Variants in PPP2R1A observed in about 807,000 individuals in gnomAD.
PPP2R1A encodes the protein protein phosphatase 2 scaffold subunit Aalpha, also known as serine/threonine-protein phosphatase 2A 65 kDa regulatory subunit A alpha isoform.
In PPP2R1A, 15 loss-of-function variants were observed where a neutral mutation model predicts 67.1. The observed-to-expected ratio is 0.22, with a 90% CI of 0.15 to 0.34. The LOEUF (loss-of-function observed/expected upper bound fraction) is 0.34. Ranked by LOEUF, PPP2R1A falls within the 10% of genes least tolerant of loss-of-function variation. PPP2R1A has a pLI of 1.00. For missense variants in PPP2R1A, 369 were observed against 775.0 expected, an observed-to-expected ratio of 0.48 and a Z score of 6.22; for synonymous variants, 337 against 325.0, an observed-to-expected ratio of 1.04 and a Z score of -0.40.
At chr19:52,190,231 CGG>C in intron 1 of PPP2R1A, 57 bp downstream of exon 1, 1 of 1,520,632 alleles carries the variant, frequency 6.6e-7, no homozygotes. Context: ...GGGGCACGGG[CGG>C]CCCTCGCGGA....
chr19:52,225,503 T>C (rs774701477), intron 13 of PPP2R1A, among the ~76,000 whole-genome samples: 10 of 152,208 alleles, frequency 6.6e-5, no homozygotes, highest in Non-Finnish European at 1.2e-4. Context: ...TTTTGAAATA[T>C]GCAAAATGTT....
rs1327848133 is a variant in PPP2R1A at position 52,226,592 on chromosome 19, T to C, written c.*611T>C. 1 of 191,324 alleles carries C rather than the reference T, an allele frequency of 5.2e-6. No homozygotes were observed. The highest frequency in any genetic ancestry group is 8.4e-5 in the East Asian group (1 of 11,950). The allele number at this position is 191,324 out of a possible 1,614,324, so 11.9% of individuals were successfully genotyped here. Reference sequence around the variant, plus strand: ...TGCTGCTGGCCTTTGGGGTAGAGGGTCCATGAGGTGCTCTGGGTGGTGTCC... The same window carrying C: ...TGCTGCTGGCCTTTGGGGTAGAGGGCCCATGAGGTGCTCTGGGTGGTGTCC... On this transcript the variant is annotated 3_prime_UTR_variant, in exon 15 of 15. Coordinates refer to ENST00000322088, the MANE Select transcript of PPP2R1A (RefSeq NM_014225.6).
intron 12 of PPP2R1A, 95 bp from the exon 13 acceptor site, chr19:52,222,004 C>A: frequency 7.5e-7 from 1 of 1,324,534 alleles, no homozygotes; most frequent in Non-Finnish European, 1.0e-6. Context: ...TCTGTGGGGC[C>A]TGATGATCAC....
Position 52,212,521 on chromosome 19 carries a change from C to G in PPP2R1A, c.504-165C>G. ...CTCATGCGGACCTGTGGGGTAGGTA[C>G]TGTTACTATCAGCTCCGTTTCATAG... On this transcript the variant is annotated intron_variant, in intron 4 of 14. Coordinates refer to ENST00000322088, the MANE Select transcript of PPP2R1A (RefSeq NM_014225.6). The surrounding 1 kb of genome is among the most constrained non-coding windows in gnomAD (Gnocchi z 4.1). 1.3e-6 allele frequency: 1 copy of G among 750,244 alleles called. No homozygotes were observed. Among genetic ancestry groups the G allele is most frequent in the Admixed American group, 2.9e-5 (1 of 34,778 alleles). The allele number at this position is 750,244 out of a possible 1,614,324, so 46.5% of individuals were successfully genotyped here.
chr19:52,206,185 A>G (rs1382346922), intron 3 of PPP2R1A, 122 bp downstream of exon 3: 9 of 769,742 alleles, frequency 1.2e-5, no homozygotes, highest in Admixed American at 2.8e-5. Flanking sequence ...CAGCCGGGCC[A>G]TGGACATCCG....
chr19:52,222,492 A>C, intron 13 of PPP2R1A: 1 of 401,330 alleles, frequency 2.5e-6, no homozygotes, highest in Non-Finnish European at 4.4e-6. Flanking sequence ...AAATGAAATC[A>C]CCTTATGTTT....
intron 3 of PPP2R1A, among the ~76,000 whole-genome samples, chr19:52,208,443 A>G (rs543737788): frequency 1.3e-5 from 2 of 152,300 alleles, no homozygotes; most frequent in South Asian, 2.1e-4. Context: ...TGCTAGGATT[A>G]CAGGTGTGAG....
At chr19:52,220,322 G>A in intron 11 of PPP2R1A, 73 bp downstream of exon 11, 2 of 1,525,542 alleles carry the variant, frequency 1.3e-6, no homozygotes, top group Non-Finnish European at 9.0e-7. Context: ...CTGGGGCTGT[G>A]GCGGGCAGTG....
intron 1 of PPP2R1A, among the ~76,000 whole-genome samples, chr19:52,194,110 A>G (rs1568584827): frequency 6.6e-6 from 1 of 151,324 alleles, no homozygotes; most frequent in Non-Finnish European, 1.5e-5. Context: ...AAAAAAAAAA[A>G]AAGAACAAAA....
chr19:52,216,091 T>C lies in PPP2R1A; in HGVS notation c.993+17T>C, dbSNP rs1568596124. ...TGCATCAAGGTAACAGAGAGTTTGATGGGAGGAACCAAGTGGATCCGAGCC... is the reference window on the plus strand; with the variant it reads ...TGCATCAAGGTAACAGAGAGTTTGACGGGAGGAACCAAGTGGATCCGAGCC... On this transcript the variant is annotated intron_variant, in intron 8 of 14. Transcript: ENST00000322088. The surrounding 1 kb of genome is among the most constrained non-coding windows in gnomAD (Gnocchi z 4.3). 6.2e-7 allele frequency: 1 copy of C among 1,606,066 alleles called. No individual in the cohort carries two copies.
chr19:52,221,997 G>A, intron 12 of PPP2R1A, 102 bp from the exon 13 acceptor site: 3 of 1,257,766 alleles, frequency 2.4e-6, no homozygotes, highest in Non-Finnish European at 3.3e-6. Flanking sequence ...CTCAGCCTCT[G>A]TGGGGCCTGA....
intron 2 of PPP2R1A, among the ~76,000 whole-genome samples, chr19:52,202,494 G>T (rs2089559760): frequency 6.6e-6 from 1 of 152,216 alleles, no homozygotes; most frequent in Admixed American, 6.5e-5. Flanking sequence ...TTAGAAAGCT[G>T]CCTGTACTCA....
At chr19:52,207,761 G>T (rs1560092) in intron 3 of PPP2R1A, among the ~76,000 whole-genome samples, 64,431 of 151,976 alleles carry the variant, frequency 0.42, 14,446 homozygotes, top group East Asian at 0.6. Flanking sequence ...TAAGTGAATT[G>T]TCCGAGCTGG....
chr19:52,202,467 G>A (rs971743018), intron 2 of PPP2R1A, among the ~76,000 whole-genome samples: 2 of 152,222 alleles, frequency 1.3e-5, no homozygotes, highest in African/African-American at 4.8e-5. Flanking sequence ...TGTGAGGATT[G>A]AGTTCATATA....
In PPP2R1A at chr19:52,216,712, G is replaced by A. The variant is rs1978595076; in HGVS notation, c.1128+49G>A. The A allele has an allele frequency of 6.2e-7, 1 of 1,613,176 alleles. No homozygotes were observed. Among genetic ancestry groups the A allele is most frequent in the South Asian group, 1.1e-5 (1 of 91,060 alleles). On this transcript the variant is annotated intron_variant, in intron 9 of 14. Coordinates refer to ENST00000322088, the MANE Select transcript of PPP2R1A (RefSeq NM_014225.6). The surrounding 1 kb of genome is among the most constrained non-coding windows in gnomAD (Gnocchi z 4.3). ...CTGGGTTTGTGGAGGGGACAGGCGG[G>A]TCTTCCTAGATTGCTAGGGTTTACC...
chr19:52,223,689 A>G (rs1047609609), intron 13 of PPP2R1A, among the ~76,000 whole-genome samples: 1 of 152,236 alleles, frequency 6.6e-6, no homozygotes, highest in African/African-American at 2.4e-5. Context: ...CAGAACAGCC[A>G]ACATTAAAAA....
At chr19:52,203,949 G>C (rs953699476) in intron 2 of PPP2R1A, among the ~76,000 whole-genome samples, 2 of 152,196 alleles carry the variant, frequency 1.3e-5, no homozygotes, top group Admixed American at 1.3e-4. Context: ...TGAGGTGTGG[G>C]GGAAAGGGCC....
Position 52,225,947 on chromosome 19 carries a change from C to G in PPP2R1A, c.1754-18C>G, listed in dbSNP as rs757659784. 6 of 1,614,240 alleles carry G rather than the reference C, an allele frequency of 3.7e-6. No homozygotes were observed. The South Asian group carries it at 5.5e-5, about 15-fold the overall frequency. On this transcript the variant is annotated intron_variant, in intron 14 of 14. Coordinates refer to ENST00000322088, the MANE Select transcript of PPP2R1A (RefSeq NM_014225.6). ...AGAGGGCTCTGGTTCTGATTCTTGC[C>G]TGTTCCTGTTTTCCTAGTTCTGTCT...
chr19:52,207,160 A>G (rs534084777), intron 3 of PPP2R1A, among the ~76,000 whole-genome samples: 2 of 152,356 alleles, frequency 1.3e-5, no homozygotes, highest in South Asian at 4.1e-4. Flanking sequence ...GTATACAAAT[A>G]GATCGTTTCA....
Sources: allele counts gnomAD v4.1 joint callset (sites outside exome capture counted in the v4.1 genomes callset), GRCh38; gene constraint gnomAD v4.1.1; non-coding constraint Gnocchi (gnomAD v3.1); transcripts MANE v1.5; gene names NCBI Gene and HGNC (gene_info 2026-07-23, HGNC 2026-07-21).